The following CRKL variants were observed in gnomAD, a reference collection of about 807,000 sequenced individuals.
CRKL encodes crk-like protein.
CRKL carries 3 observed loss-of-function variants against 23.0 expected under a neutral mutation model. That is an observed-to-expected ratio of 0.13 (90% CI 0.06 to 0.34). The LOEUF is 0.34. CRKL is among the 10% of genes least tolerant of loss of function. The probability of loss-of-function intolerance (pLI) is 1.00; values close to 1 mark genes in which losing one functional copy is unlikely to be tolerated. For missense variants in CRKL, 256 were observed against 394.5 expected, an observed-to-expected ratio of 0.65 and a Z score of 2.97; for synonymous variants, 188 against 160.7, an observed-to-expected ratio of 1.17 and a Z score of -1.28.
intron 2 of CRKL, among the ~76,000 whole-genome samples, chr22:20,934,474 A>T (rs1368854625): frequency 6.6e-6 from 1 of 152,106 alleles, no homozygotes; most frequent in Non-Finnish European, 1.5e-5. Flanking sequence ...GGCCTCAAGC[A>T]ATCCTCCTAC....
At chr22:20,925,186 C>A (rs79471537) in intron 1 of CRKL, among the ~76,000 whole-genome samples, 2,176 of 100,232 alleles carry the variant, frequency 0.022, no homozygotes, top group Middle Eastern at 0.064. Flanking sequence ...GACTCCGTCT[C>A]AAAAAAAAAA....
At chr22:20,923,781 TG>T (rs1419036865) in intron 1 of CRKL, among the ~76,000 whole-genome samples, 1 of 151,792 alleles carries the variant, frequency 6.6e-6, no homozygotes, top group East Asian at 1.9e-4. Flanking sequence ...TTCACCATGT[TG>T]AGCAGGATGG....
Position 20,917,904 on chromosome 22 carries a change from C to G in CRKL, c.-31C>G, listed in dbSNP as rs1326870794. ...AGAGCAGGCGAGGACAGCCGCCGCC[C>G]CTACCGCCGCAGAGTCCCCGGTCCA... On this transcript the variant is annotated 5_prime_UTR_variant, in exon 1 of 3. Transcript: ENST00000354336. The G allele has an allele frequency of 5.6e-6, 9 of 1,599,810 alleles. No homozygotes were observed. Among genetic ancestry groups the G allele is most frequent in the Non-Finnish European group, 7.7e-6 (9 of 1,173,096 alleles).
intron 2 of CRKL, among the ~76,000 whole-genome samples, chr22:20,938,410 GA>G (rs1379410335): frequency 6.6e-6 from 1 of 152,212 alleles, no homozygotes; most frequent in Non-Finnish European, 1.5e-5. Flanking sequence ...TCTGTAAGGT[GA>G]GTAGAGCTTG....
At chr22:20,943,620 T>A (rs1305980424) in intron 2 of CRKL, among the ~76,000 whole-genome samples, 1 of 152,234 alleles carries the variant, frequency 6.6e-6, no homozygotes, top group African/African-American at 2.4e-5. Flanking sequence ...GAGTCTTTCT[T>A]TTGCATGTGG....
chr22:20,936,440 C>T (rs1402133771), intron 2 of CRKL, among the ~76,000 whole-genome samples: 1 of 152,136 alleles, frequency 6.6e-6, no homozygotes, highest in East Asian at 1.9e-4. Context: ...CCTCCGCCTC[C>T]TGGATTCAAG....
At chr22:20,924,825 G>A (rs540880400) in intron 1 of CRKL, among the ~76,000 whole-genome samples, 36 of 152,234 alleles carry the variant, frequency 2.4e-4, no homozygotes, top group African/African-American at 8.4e-4. Context: ...GGGCGACAGA[G>A]TGAGACTCTC....
chr22:20,951,205 G>A lies in CRKL; in HGVS notation c.*1360G>A, dbSNP rs1922260882. ...CTGAAGCCCAGACCTCCGTGCCCAG[G>A]CCCAATCTCGTCAGGCTGCCAGAGA... is the stretch of plus-strand genomic sequence containing the variant. On this transcript the variant is annotated 3_prime_UTR_variant, in exon 3 of 3. Transcript: ENST00000354336. The A allele has an allele frequency of 1.3e-5, 3 of 232,350 alleles. No individual in the cohort carries two copies. In the Admixed American group the frequency reaches 1.7e-4, roughly 13 times the overall value. The allele number at this position is 232,350 out of a possible 1,614,324, so 14.4% of individuals were successfully genotyped here. A position where few individuals can be genotyped will look rare whatever the true frequency, so the allele number is the denominator to read the frequency against.
intron 1 of CRKL, among the ~76,000 whole-genome samples, chr22:20,927,138 A>C (rs113257264): frequency 0.055 from 7,293 of 133,452 alleles, 369 homozygotes; most frequent in Non-Finnish European, 0.068. Flanking sequence ...AAAAAAAAAG[A>C]ATGGTGGTTA....
intron 2 of CRKL, among the ~76,000 whole-genome samples, chr22:20,941,538 A>ATATGTGTGTGTG (rs1555920697): frequency 4.0e-5 from 2 of 50,428 alleles, no homozygotes; most frequent in African/African-American, 1.5e-4. Context: ...TATATATTTT[A>ATATGTGTGTGTG]TGTGTGTGTG....
chr22:20,921,834 G>T (rs571216200), intron 1 of CRKL, among the ~76,000 whole-genome samples: 1 of 150,596 alleles, frequency 6.6e-6, no homozygotes, highest in African/African-American at 2.4e-5. Flanking sequence ...TCAGCCTCCC[G>T]AGTAGCTGGG....
chr22:20,936,514 AATTTTTTT>A (rs1921665420), intron 2 of CRKL, among the ~76,000 whole-genome samples: 2 of 151,250 alleles, frequency 1.3e-5, no homozygotes, highest in Non-Finnish European at 2.9e-5. Flanking sequence ...ATGCCCGGCT[AATTTTTTT>A]GTATTTTTAA....
At chr22:20,936,326 T>C (rs1197561025) in intron 2 of CRKL, among the ~76,000 whole-genome samples, 4 of 152,130 alleles carry the variant, frequency 2.6e-5, no homozygotes, top group South Asian at 4.1e-4. Flanking sequence ...TAGGTTGTCC[T>C]CAGTGTTTTT....
chr22:20,952,661 C>G lies in CRKL; in HGVS notation c.*2816C>G. On this transcript the variant is annotated 3_prime_UTR_variant, in exon 3 of 3. Coordinates refer to ENST00000354336, the MANE Select transcript of CRKL (RefSeq NM_005207.4). ...TGACCCAGAGGGTGGGTGTTCATAA[C>G]TGCTACTTGCTCTGCTCTACCATGT... is the stretch of plus-strand genomic sequence containing the variant. The G allele has an allele frequency of 8.6e-6, 2 of 232,484 alleles. No homozygotes were observed. Among genetic ancestry groups the G allele is most frequent in the East Asian group, 6.1e-5 (1 of 16,490 alleles). 14.4% of individuals were successfully genotyped at this position (232,484 alleles called of 1,614,324 possible).
At chr22:20,931,527 A>T (rs1400441135) in intron 1 of CRKL, among the ~76,000 whole-genome samples, 1 of 152,218 alleles carries the variant, frequency 6.6e-6, no homozygotes, top group African/African-American at 2.4e-5. Flanking sequence ...GCATTATGCC[A>T]TTAATTCTCA....
chr22:20,920,144 C>T (rs1920975284), intron 1 of CRKL, among the ~76,000 whole-genome samples: 1 of 152,106 alleles, frequency 6.6e-6, no homozygotes, highest in African/African-American at 2.4e-5. Context: ...TAATACCAGG[C>T]ATTCATTAAG....
rs1446143600 is a variant in CRKL, at chr22:20,951,483, T to G, written c.*1638T>G. 1 of 228,638 alleles carries G rather than the reference T, an allele frequency of 4.4e-6. No individual in the cohort carries two copies. Among genetic ancestry groups the G allele is most frequent in the Non-Finnish European group, 8.7e-6 (1 of 115,288 alleles). The allele number at this position is 228,638 out of a possible 1,614,324, so 14.2% of individuals were successfully genotyped here. Reference sequence around the variant, plus strand: ...TACGTGTGGTTCATCCATCATCTGCTGCACATAGCAGACTAGAATTCTGGG... The same window carrying G: ...TACGTGTGGTTCATCCATCATCTGCGGCACATAGCAGACTAGAATTCTGGG... On this transcript the variant is annotated 3_prime_UTR_variant, in exon 3 of 3. Coordinates refer to ENST00000354336, the MANE Select transcript of CRKL (RefSeq NM_005207.4).
At chr22:20,939,272 G>A (rs1316883269) in intron 2 of CRKL, among the ~76,000 whole-genome samples, 1 of 106,578 alleles carries the variant, frequency 9.4e-6, no homozygotes, top group Non-Finnish European at 1.7e-5. Flanking sequence ...ACAGAGTCTT[G>A]CTCTGTCTCC....
Position 20,936,625 on chromosome 22 carries a change from A to T in CRKL, c.777+2381A>T, listed in dbSNP as rs574207228. 2.0e-5 allele frequency among the ~76,000 whole-genome samples: 3 copies of T among 152,286 alleles called. No individual in the cohort carries two copies. In the South Asian group the frequency reaches 6.2e-4, roughly 32 times the overall value. On this transcript the variant is annotated intron_variant, in intron 2 of 2. Transcript: ENST00000354336. ...CTCGGCCTCCCAAAGTGCTGGGATT[A>T]CAGGCGTGAGCTACCATGCCTGGCC...
Sources: allele counts gnomAD v4.1 joint callset (sites outside exome capture counted in the v4.1 genomes callset), GRCh38; gene constraint gnomAD v4.1.1; transcripts MANE v1.5; gene names NCBI Gene and HGNC (gene_info 2026-07-23, HGNC 2026-07-21).